CDH13: variants seen among roughly 807,000 people sequenced by gnomAD.
CDH13 encodes the protein cadherin 13, also known as cadherin-13.
CDH13 carries 24 observed loss-of-function variants against 63.8 expected under a neutral mutation model. The ratio of observed to expected loss-of-function variants is 0.38; its 90% CI spans 0.27 to 0.53. The LOEUF (loss-of-function observed/expected upper bound fraction) is 0.53, where lower values mean the gene tolerates loss of function less well. Among genes scored for constraint, CDH13 ranks in the 20% least tolerant of loss-of-function variants. CDH13 has a pLI of 0.85. For missense variants in CDH13, 1,049 were observed against 903.1 expected (o/e 1.16, Z -2.07); for synonymous variants, 503 against 355.3 (o/e 1.42, Z -4.67).
chr16:82,794,032 A>G (rs575669785), intron 1 of CDH13, among the ~76,000 whole-genome samples: 7 of 152,196 alleles, frequency 4.6e-5, no homozygotes, highest in Admixed American at 4.6e-4. Flanking sequence ...GAAAGCAGAA[A>G]GGGAACTGGG....
chr16:83,373,291 G>T (rs2091405247), intron 6 of CDH13, among the ~76,000 whole-genome samples: 1 of 152,200 alleles, frequency 6.6e-6, no homozygotes, highest in Non-Finnish European at 1.5e-5. Flanking sequence ...ATAACCTTGG[G>T]CAGTAAGAAC....
At chr16:83,782,015 A>G (rs1022527485) in intron 12 of CDH13, among the ~76,000 whole-genome samples, 10 of 152,004 alleles carry the variant, frequency 6.6e-5, no homozygotes, top group Admixed American at 5.9e-4. Flanking sequence ...CTGCCATCTC[A>G]CTAGGTGAGC....
intron 2 of CDH13, among the ~76,000 whole-genome samples, chr16:82,975,196 G>A (rs1042117288): frequency 3.3e-5 from 5 of 152,242 alleles, no homozygotes; most frequent in African/African-American, 1.2e-4. Flanking sequence ...GGCCCTGGCT[G>A]CTGTGGTTGG....
intron 1 of CDH13, among the ~76,000 whole-genome samples, chr16:82,755,732 C>A (rs906595765): frequency 9.2e-5 from 14 of 152,262 alleles, no homozygotes; most frequent in African/African-American, 3.4e-4. Context: ...CAAACCAAAA[C>A]AAGAACTAAA....
At chr16:83,471,939 G>A (rs2073464376) in intron 6 of CDH13, among the ~76,000 whole-genome samples, 1 of 152,124 alleles carries the variant, frequency 6.6e-6, no homozygotes, top group Non-Finnish European at 1.5e-5. Flanking sequence ...GACAACCTAA[G>A]GTTACTTTGG....
At position 83,402,632 on chromosome 16, in the gene CDH13, T is replaced by C. The variant is rs138640487; in HGVS notation, c.781+57626T>C. Among the ~76,000 whole-genome samples, 3 of 152,246 alleles carry C rather than the reference T, an allele frequency of 2.0e-5. No individual in the cohort carries two copies. In the East Asian group the frequency reaches 5.8e-4, roughly 29 times the overall value. On this transcript the variant is annotated intron_variant, in intron 6 of 13. Coordinates refer to ENST00000567109, the MANE Select transcript of CDH13 (RefSeq NM_001257.5). ...TACCATAACTCACTGTTCTCATTGATAAATCGTTGATAATATATGCCTTGT... is the reference window on the plus strand; with the variant it reads ...TACCATAACTCACTGTTCTCATTGACAAATCGTTGATAATATATGCCTTGT...
At chr16:83,705,423 C>T (rs1248584929) in intron 10 of CDH13, among the ~76,000 whole-genome samples, 2 of 152,104 alleles carry the variant, frequency 1.3e-5, no homozygotes, top group South Asian at 4.2e-4. Context: ...GAGATGGAGA[C>T]CATCCTGGCT....
At chr16:83,385,477 T>C (rs2091655133) in intron 6 of CDH13, among the ~76,000 whole-genome samples, 1 of 152,206 alleles carries the variant, frequency 6.6e-6, no homozygotes, top group Admixed American at 6.5e-5. Context: ...AGCTATGCTG[T>C]AGTAACAAGA....
Position 82,700,211 on chromosome 16 carries a change from T to C in CDH13, c.45+73074T>C, listed in dbSNP as rs548076671. On this transcript the variant is annotated intron_variant, in intron 1 of 13. Transcript: ENST00000567109. Reference sequence around the variant, plus strand: ...GCGGGACTTCTCAGAGGCTTTAATCTGTGAATGTGCATACTGAATTTCCAA... The same window carrying C: ...GCGGGACTTCTCAGAGGCTTTAATCCGTGAATGTGCATACTGAATTTCCAA... Among the ~76,000 whole-genome samples the C allele has an allele frequency of 1.6e-4, 24 of 152,354 alleles. No homozygotes were observed. The South Asian group carries it at 5.0e-3, about 32-fold the overall frequency.
intron 6 of CDH13, among the ~76,000 whole-genome samples, chr16:83,376,263 C>A (rs574415287): frequency 3.3e-5 from 5 of 152,138 alleles, no homozygotes; most frequent in African/African-American, 4.8e-5. Context: ...GTCATGTGCC[C>A]ATCCCTGAAT....
chr16:82,904,820 C>A (rs1193050966), intron 2 of CDH13, among the ~76,000 whole-genome samples: 1 of 152,176 alleles, frequency 6.6e-6, no homozygotes, highest in Non-Finnish European at 1.5e-5. Flanking sequence ...TCCATGTGGG[C>A]CACCGTTTCC....
rs138287845 is a variant in CDH13, at chr16:83,011,542, C to G, written c.158-20468C>G. 1.3e-3 allele frequency among the ~76,000 whole-genome samples: 192 copies of G among 152,246 alleles called. 1 individual carries two copies. Among genetic ancestry groups the G allele is most frequent in the African/African-American group, 4.4e-3 (183 of 41,546 alleles). On this transcript the variant is annotated intron_variant, in intron 2 of 13. Coordinates refer to ENST00000567109, the MANE Select transcript of CDH13 (RefSeq NM_001257.5). ...CTGGGTCCTGTGCTTGAAAGGCTGT[C>G]TCTTTCCCCATCTGAGTCAACCGGG...
At chr16:83,000,225 T>TATTA (rs1567731508) in intron 2 of CDH13, among the ~76,000 whole-genome samples, 29 of 49,154 alleles carry the variant, frequency 5.9e-4, no homozygotes, top group African/African-American at 2.9e-3. Context: ...TTTAGCTTAT[T>TATTA]TTTTTTTTTT....
intron 3 of CDH13, among the ~76,000 whole-genome samples, chr16:83,065,637 A>G (rs1236534376): frequency 6.6e-6 from 1 of 151,692 alleles, no homozygotes; most frequent in Non-Finnish European, 1.5e-5. Context: ...CCCAGGGGGC[A>G]GAGGTTGCAG....
rs150850161 is a variant in CDH13, at chr16:83,768,931, C to T, written c.1682-11037C>T. On this transcript the variant is annotated intron_variant, in intron 11 of 13. Transcript: ENST00000567109. ...ATCCTGTGACTTAGAATGCCTTAAC[C>T]GTCTGGGAATGCAGCCCAGTAGGTC... Among the ~76,000 whole-genome samples, 519 of 152,262 alleles carry T rather than the reference C, an allele frequency of 3.4e-3. 4 individuals are homozygous for T. The highest frequency in any genetic ancestry group is 0.012 in the African/African-American group (502 of 41,566).
chr16:82,944,741 C>G (rs1179179397), intron 2 of CDH13, among the ~76,000 whole-genome samples: 1 of 152,018 alleles, frequency 6.6e-6, no homozygotes, highest in Non-Finnish European at 1.5e-5. Context: ...TTCATAGGCC[C>G]TTGTGAATTT....
chr16:83,445,948 A>G (rs532711699), intron 6 of CDH13, among the ~76,000 whole-genome samples: 1 of 152,276 alleles, frequency 6.6e-6, no homozygotes, highest in South Asian at 2.1e-4. Context: ...CAACTAAAAG[A>G]TTTCTAAAGC....
intron 10 of CDH13, among the ~76,000 whole-genome samples, chr16:83,712,205 A>G (rs1419576514): frequency 6.6e-6 from 1 of 152,186 alleles, no homozygotes; most frequent in Non-Finnish European, 1.5e-5. Flanking sequence ...CACAATTCAG[A>G]CCAGAACAGG....
chr16:82,785,162 TGAAAC>T (rs1402768257), intron 1 of CDH13, among the ~76,000 whole-genome samples: 2 of 152,012 alleles, frequency 1.3e-5, no homozygotes, highest in East Asian at 3.9e-4. Flanking sequence ...GGCTGGCAGT[TGAAAC>T]GGAGAGACAT....
Sources: allele counts gnomAD v4.1 joint callset (sites outside exome capture counted in the v4.1 genomes callset), GRCh38; gene constraint gnomAD v4.1.1; transcripts MANE v1.5; gene names NCBI Gene and HGNC (gene_info 2026-07-23, HGNC 2026-07-21).